The following METTL5 variants were observed in gnomAD, a reference collection of about 807,000 sequenced individuals.
The protein encoded by METTL5 is rRNA N(6)-adenosine-methyltransferase METTL5.
In METTL5, 28 loss-of-function variants were observed where a neutral mutation model predicts 26.5. That is an observed-to-expected ratio of 1.06 (90% CI 0.78 to 1.45). The LOEUF (loss-of-function observed/expected upper bound fraction) is 1.45, where lower values mean the gene tolerates loss of function less well. Among genes scored for constraint, METTL5 ranks in the 40% most tolerant of loss-of-function variants. The pLI is 0.00. For synonymous variants in METTL5, 86 were observed against 82.6 expected (o/e 1.04, Z -0.22); for missense variants, 231 against 249.9 (o/e 0.92, Z 0.51).
intron 5 of METTL5, among the ~76,000 whole-genome samples, chr2:169,814,472 A>AAAAAAAAAAAAAG (rs1455507811): frequency 2.0e-5 from 3 of 148,902 alleles, no homozygotes; most frequent in Non-Finnish European, 4.5e-5. Flanking sequence ...TTGTCTCAAA[A>AAAAAAAAAAAAAG]AAAAAAAAAG....
chr2:169,818,180 A>T (rs2081537283), intron 4 of METTL5, among the ~76,000 whole-genome samples: 1 of 152,186 alleles, frequency 6.6e-6, no homozygotes, highest in Non-Finnish European at 1.5e-5. Context: ...CCCTAATAAA[A>T]GCCCTGGGCA....
At chr2:169,824,170 T>C (rs1573975349) in intron 1 of METTL5, 3 of 248,014 alleles carry the variant, frequency 1.2e-5, no homozygotes, top group East Asian at 1.7e-4. Context: ...TTCTGGGCAC[T>C]GGGAATTCAA....
Position 169,814,289 on chromosome 2 carries a change from C to A in METTL5, c.541+1188G>T, listed in dbSNP as rs569202977. Among the ~76,000 whole-genome samples the A allele has an allele frequency of 2.1e-3, 326 of 151,780 alleles. 5 individuals carry two copies. Among genetic ancestry groups the A allele is most frequent in the Non-Finnish European group, 1.5e-3 (105 of 67,906 alleles). On this transcript the variant is annotated intron_variant, in intron 5 of 6. Coordinates refer to ENST00000260953, the MANE Select transcript of METTL5 (RefSeq NM_014168.4). ...GATCACTGAGGTCAGGAGTTCAAGA[C>A]CAGCCCTGCCAACGTGGTGAAACCC...
intron 4 of METTL5, among the ~76,000 whole-genome samples, chr2:169,816,560 C>T (rs1239564892): frequency 6.6e-6 from 1 of 152,210 alleles, no homozygotes; most frequent in Non-Finnish European, 1.5e-5. Flanking sequence ...TACAAAGCTA[C>T]AGTAACCAAA....
At position 169,819,586 on chromosome 2, in the gene METTL5, G is replaced by C. The variant is rs746493783; in HGVS notation, c.464C>G (p.Ser155Cys). 5.1e-5 allele frequency: 83 copies of C among 1,612,290 alleles called. No individual in the cohort carries two copies. Among genetic ancestry groups the C allele is most frequent in the Non-Finnish European group, 6.6e-5 (78 of 1,178,880 alleles). The change falls in exon 4 of 7, where the codon TCC becomes TGC. Residue 155 changes from serine (S) to cysteine (C), a missense_variant. By Grantham distance (112) the Ser-to-Cys change is moderately radical (BLOSUM62 -1). Coordinates refer to ENST00000260953, the MANE Select transcript of METTL5 (RefSeq NM_014168.4). The part of the protein sequence containing the change: ...ALEMARTAVY[S>C]LHKSSTREHV... The stretch of plus-strand genomic sequence containing the variant: ...TTCTCTAGTTGAGGATTTGTGTAAG[G>C]AATATACTGCTGTTCTTGCCATTTC...
chr2:169,812,074 A>ATT, intron 6 of METTL5: 1 of 597,378 alleles, frequency 1.7e-6, no homozygotes, highest in East Asian at 3.1e-5. Context: ...ACAGTTTTTG[A>ATT]TTTTTTTTTT....
chr2:169,813,947 A>G (rs912393110), intron 5 of METTL5, among the ~76,000 whole-genome samples: 3 of 152,184 alleles, frequency 2.0e-5, no homozygotes, highest in African/African-American at 7.2e-5. Context: ...GAACAGTAAT[A>G]TATCTAGCTG....
intron 4 of METTL5, among the ~76,000 whole-genome samples, chr2:169,817,195 A>G (rs956565483): frequency 2.0e-5 from 3 of 152,242 alleles, no homozygotes; most frequent in Non-Finnish European, 4.4e-5. Flanking sequence ...GCTCATCATC[A>G]GTGGTCATCA....
At chr2:169,813,822 T>C (rs1477507394) in intron 5 of METTL5, among the ~76,000 whole-genome samples, 1 of 151,966 alleles carries the variant, frequency 6.6e-6, no homozygotes, top group Non-Finnish European at 1.5e-5. Flanking sequence ...GCCAAGATCG[T>C]GCTGCTGCAC....
chr2:169,819,605 C>A lies in METTL5; in HGVS notation c.445G>T (p.Ala149Ser). 1.2e-6 allele frequency: 2 copies of A among 1,613,148 alleles called. No individual in the cohort carries two copies. Among genetic ancestry groups the A allele is most frequent in the Non-Finnish European group, 1.7e-6 (2 of 1,179,562 alleles). ...TGTAAGGAATATACTGCTGTTCTTG[C>A]CATTTCCAAAGCAGTCTTTAGAAAA... ...MAFLKTALEM[A>S]RTAVYSLHKS... is the part of the protein sequence containing the mutation. Residue 149 changes from alanine to serine, a missense_variant, in exon 4 of 7, where the codon GCA becomes TCA. Ala to Ser is a moderately conservative substitution (Grantham distance 99). Transcript: ENST00000260953.
Position 169,823,211 on chromosome 2 carries a change from T to A in METTL5, c.110-1154A>T, listed in dbSNP as rs369582386. ...CCAGGCTGATCTTGAACTCCTGGGCTCGTCATCCTCTTGCCTTGGCCTCCC... is the reference window on the plus strand; with the variant it reads ...CCAGGCTGATCTTGAACTCCTGGGCACGTCATCCTCTTGCCTTGGCCTCCC... On this transcript the variant is annotated intron_variant, in intron 1 of 6. Transcript: ENST00000260953. Among the ~76,000 whole-genome samples, 302 of 152,216 alleles carry A rather than the reference T, an allele frequency of 2.0e-3. 3 individuals carry two copies. The highest frequency in any genetic ancestry group is 7.0e-3 in the African/African-American group (289 of 41,526).
At chr2:169,811,957 G>A (rs1273886571) in intron 6 of METTL5, 99 bp from the exon 7 acceptor site, 1 of 1,332,312 alleles carries the variant, frequency 7.5e-7, no homozygotes, top group Non-Finnish European at 1.0e-6. Flanking sequence ...TATTTCAGAT[G>A]ATTCAAATAT....
intron 5 of METTL5, 41 bp downstream of exon 5, chr2:169,815,436 A>G (rs199508307): frequency 2.0e-6 from 3 of 1,465,646 alleles, no homozygotes; most frequent in Admixed American, 1.9e-5. Flanking sequence ...GGGCGAATAC[A>G]TGTTGGCCCT....
intron 5 of METTL5, among the ~76,000 whole-genome samples, chr2:169,813,612 T>C (rs1573966437): frequency 6.6e-6 from 1 of 151,398 alleles, no homozygotes. Flanking sequence ...CCCAGCACTT[T>C]GGGAGGCCAA....
intron 5 of METTL5, among the ~76,000 whole-genome samples, chr2:169,815,041 G>A (rs944761706): frequency 6.6e-6 from 1 of 151,930 alleles, no homozygotes; most frequent in Non-Finnish European, 1.5e-5. Context: ...ACACGTGTGC[G>A]CCACCATGCC....
chr2:169,824,544 T>A lies in METTL5; in HGVS notation c.54A>T (p.Gly18=). ...CCAGAAGTAGCTTGGGCTTTTCAAATCCATCCACTTGTTGCAGGCGACTCT... is the reference window on the plus strand; with the variant it reads ...CCAGAAGTAGCTTGGGCTTTTCAAAACCATCCACTTGTTGCAGGCGACTCT... ...ELESRLQQVD[G]FEKPKLLLEQ... Residue 18 remains glycine (G), a synonymous_variant, in exon 1 of 7, where the codon GGA becomes GGT. Coordinates refer to ENST00000260953, the MANE Select transcript of METTL5 (RefSeq NM_014168.4). 1 of 1,614,186 alleles carries A rather than the reference T, an allele frequency of 6.2e-7. No individual in the cohort carries two copies. The highest frequency in any genetic ancestry group is 1.1e-5 in the South Asian group (1 of 91,088).
intron 2 of METTL5, 99 bp from the exon 3 acceptor site, chr2:169,821,372 T>A: frequency 2.3e-6 from 2 of 858,638 alleles, no homozygotes; most frequent in Non-Finnish European, 1.8e-6. Flanking sequence ...TATATCTTTT[T>A]AACCCAATTA....
chr2:169,812,423 C>T (rs769027370), intron 6 of METTL5, 34 bp downstream of exon 6: 113 of 1,613,578 alleles, frequency 7.0e-5, no homozygotes, highest in Non-Finnish European at 8.9e-5. Context: ...CTTTTCAATA[C>T]CGAATGTAGA....
At chr2:169,822,412 C>A (rs991941510) in intron 1 of METTL5, among the ~76,000 whole-genome samples, 17 of 152,056 alleles carry the variant, frequency 1.1e-4, no homozygotes, top group Non-Finnish European at 2.9e-5. Context: ...TTCTTTGATG[C>A]TGAAATATTT....
Sources: allele counts gnomAD v4.1 joint callset (sites outside exome capture counted in the v4.1 genomes callset), GRCh38; gene constraint gnomAD v4.1.1; transcripts MANE v1.5; gene names NCBI Gene and HGNC (gene_info 2026-07-23, HGNC 2026-07-21).